The following GREB1L variants were observed in gnomAD, a reference collection of about 807,000 sequenced individuals.
The protein encoded by GREB1L is GREB1-like protein.
In GREB1L, 17 loss-of-function variants were observed where a neutral mutation model predicts 200.8. The observed-to-expected ratio is 0.08, with a 90% CI of 0.06 to 0.13. The LOEUF (loss-of-function observed/expected upper bound fraction) is 0.13. Ranked by LOEUF, GREB1L falls within the 10% of genes least tolerant of loss-of-function variation. The probability of loss-of-function intolerance (pLI) is 1.00; values close to 1 mark genes in which losing one functional copy is unlikely to be tolerated. For synonymous variants in GREB1L, 789 were observed against 893.0 expected, an observed-to-expected ratio of 0.88 and a Z score of 2.08; for missense variants, 1,657 against 2,367.7, an observed-to-expected ratio of 0.70 and a Z score of 6.23.
intron 7 of GREB1L, among the ~76,000 whole-genome samples, chr18:21,417,165 A>G (rs2031719744): frequency 6.6e-6 from 1 of 152,218 alleles, no homozygotes; most frequent in African/African-American, 2.4e-5. Flanking sequence ...TCTCATGGGA[A>G]ACAATATAAA....
At chr18:21,257,210 C>T (rs866502508) in intron 1 of GREB1L, among the ~76,000 whole-genome samples, 58 of 151,908 alleles carry the variant, frequency 3.8e-4, no homozygotes, top group African/African-American at 1.4e-3. Context: ...CCTGGTGATC[C>T]GCCCGCCTCG....
At chr18:21,451,398 G>A (rs769798185) in intron 13 of GREB1L, 3 of 306,482 alleles carry the variant, frequency 9.8e-6, no homozygotes, top group Admixed American at 9.6e-5. Flanking sequence ...GACCTTGGGC[G>A]AGTTTCTCTC....
intron 1 of GREB1L, among the ~76,000 whole-genome samples, chr18:21,253,249 A>ATTTT (rs66924517): frequency 7.9e-6 from 1 of 127,162 alleles, no homozygotes. Flanking sequence ...TATTTCAAGA[A>ATTTT]TTTTTTTTTT....
intron 1 of GREB1L, among the ~76,000 whole-genome samples, chr18:21,296,185 C>T (rs755914536): frequency 1.3e-5 from 2 of 152,160 alleles, no homozygotes; most frequent in Admixed American, 6.5e-5. Context: ...TAGGTGTCTG[C>T]CAATCAGCAG....
chr18:21,335,003 C>G (rs995473252), intron 1 of GREB1L, among the ~76,000 whole-genome samples: 1 of 152,236 alleles, frequency 6.6e-6, no homozygotes, highest in African/African-American at 2.4e-5. Flanking sequence ...TATCCCCCCA[C>G]TAGCTGTATG....
intron 10 of GREB1L, 98 bp downstream of exon 10, chr18:21,441,635 C>T: frequency 9.0e-7 from 1 of 1,113,590 alleles, no homozygotes; most frequent in East Asian, 2.7e-5. Flanking sequence ...AGATATTCAT[C>T]CATCTGTTGA....
At chr18:21,424,080 G>C (rs979931155) in intron 7 of GREB1L, among the ~76,000 whole-genome samples, 3 of 152,158 alleles carry the variant, frequency 2.0e-5, no homozygotes, top group African/African-American at 7.2e-5. Context: ...AGCTCATGCA[G>C]AACTGTCCAC....
At chr18:21,292,109 C>T (rs537775953) in intron 1 of GREB1L, among the ~76,000 whole-genome samples, 2 of 152,008 alleles carry the variant, frequency 1.3e-5, no homozygotes, top group South Asian at 2.1e-4. Flanking sequence ...TGTAAAAAAT[C>T]GAAGTACCAG....
intron 25 of GREB1L, among the ~76,000 whole-genome samples, chr18:21,507,916 C>T (rs912975343): frequency 3.9e-5 from 6 of 152,302 alleles, no homozygotes; most frequent in Non-Finnish European, 5.9e-5. Context: ...TGCAAGACGG[C>T]GGGCTGTCAT....
intron 15 of GREB1L, among the ~76,000 whole-genome samples, chr18:21,457,964 G>GTTTTTTTTTT (rs11414940): frequency 8.5e-6 from 1 of 117,878 alleles, no homozygotes; most frequent in Non-Finnish European, 1.7e-5. Context: ...AGCAAGGACA[G>GTTTTTTTTTT]TTTTTTTTTT....
chr18:21,401,371 C>T (rs2041309034), intron 6 of GREB1L, 45 bp downstream of exon 6: 20 of 1,469,178 alleles, frequency 1.4e-5, no homozygotes, highest in East Asian at 2.5e-5. Flanking sequence ...GGAGATTTTA[C>T]GGTGGTGACA....
Position 21,352,729 on chromosome 18 carries a change from C to T in GREB1L, c.-119-13298C>T, listed in dbSNP as rs546684578. ...GATTACAGGCATGAGCCACTGCACCCGGCTTTTATATTTTTAAAGTAACAA... is the reference window on the plus strand; with the variant it reads ...GATTACAGGCATGAGCCACTGCACCTGGCTTTTATATTTTTAAAGTAACAA... On this transcript the variant is annotated intron_variant, in intron 1 of 32. Coordinates refer to ENST00000424526, the MANE Select transcript of GREB1L (RefSeq NM_001142966.3). Among the ~76,000 whole-genome samples the T allele has an allele frequency of 1.9e-3, 290 of 151,886 alleles. 2 individuals are homozygous for T. The highest frequency in any genetic ancestry group is 2.6e-3 in the Non-Finnish European group (176 of 67,968).
intron 27 of GREB1L, among the ~76,000 whole-genome samples, chr18:21,510,170 T>C (rs2037181319): frequency 1.3e-5 from 2 of 148,470 alleles, no homozygotes; most frequent in Admixed American, 6.8e-5. Context: ...GCCAAGATCA[T>C]GCCACTGCAC....
intron 1 of GREB1L, among the ~76,000 whole-genome samples, chr18:21,347,891 C>G (rs1263845349): frequency 4.0e-5 from 6 of 149,230 alleles, no homozygotes; most frequent in Non-Finnish European, 6.0e-5. Context: ...CTCAGCCTCC[C>G]GAGTAGCTGG....
At chr18:21,452,000 C>A in intron 13 of GREB1L, 83 bp from the exon 14 acceptor site, 1 of 1,319,272 alleles carries the variant, frequency 7.6e-7, no homozygotes, top group Non-Finnish European at 1.0e-6. Context: ...CTGAGAACAG[C>A]CTAACTGCCC....
intron 1 of GREB1L, among the ~76,000 whole-genome samples, chr18:21,328,177 G>T (rs1379648550): frequency 6.7e-6 from 1 of 150,048 alleles, no homozygotes; most frequent in Non-Finnish European, 1.5e-5. Flanking sequence ...CAGTGCCATT[G>T]CCCCCCCCCG....
intron 1 of GREB1L, among the ~76,000 whole-genome samples, chr18:21,363,298 C>A (rs1187030835): frequency 8.7e-6 from 1 of 114,626 alleles, no homozygotes; most frequent in African/African-American, 3.4e-5. Context: ...CCCCCCCCCC[C>A]CCACACACAC....
intron 1 of GREB1L, among the ~76,000 whole-genome samples, chr18:21,257,421 A>G (rs2037818490): frequency 6.6e-6 from 1 of 152,176 alleles, no homozygotes; most frequent in African/African-American, 2.4e-5. Context: ...TTTTTACAGT[A>G]TTGTTGGTCA....
chr18:21,492,584 T>C (rs1253754628), intron 19 of GREB1L, among the ~76,000 whole-genome samples: 1 of 152,188 alleles, frequency 6.6e-6, no homozygotes. Context: ...TTTACCCCTC[T>C]GGACCACTGT....
Sources: gnomAD v4.1 joint callset for allele counts (sites outside exome capture counted in the v4.1 genomes callset) on GRCh38, gnomAD v4.1.1 for gene constraint, MANE v1.5 for transcripts, NCBI Gene and HGNC (gene_info 2026-07-23, HGNC 2026-07-21) for gene names.